Variants in RBFOX1 observed in about 807,000 individuals in gnomAD.
The protein encoded by RBFOX1 is RNA binding fox-1 homolog 1.
Under a neutral mutation model 57.7 loss-of-function variants are expected in RBFOX1, and 8 were observed. The ratio of observed to expected loss-of-function variants is 0.14; its 90% confidence interval spans 0.08 to 0.25. The LOEUF (loss-of-function observed/expected upper bound fraction) is 0.25. RBFOX1 is among the 10% of genes least tolerant of loss of function. The probability of loss-of-function intolerance (pLI) is 1.00; values close to 1 mark genes in which losing one functional copy is unlikely to be tolerated. For missense variants in RBFOX1, 611 were observed against 548.5 expected (o/e 1.11, Z -1.14); for synonymous variants, 326 against 222.4 (o/e 1.47, Z -4.15).
chr16:6,454,375 A>C (rs1296612875), intron 2 of RBFOX1, among the ~76,000 whole-genome samples: 11 of 152,020 alleles, frequency 7.2e-5, no homozygotes, highest in Admixed American at 5.9e-4. Flanking sequence ...TGGGCAACAT[A>C]GCAGAACCAT....
At chr16:6,770,626 A>C (rs184017064) in intron 3 of RBFOX1, among the ~76,000 whole-genome samples, 5 of 152,246 alleles carry the variant, frequency 3.3e-5, no homozygotes, top group African/African-American at 1.2e-4. Flanking sequence ...AAAAGAAATC[A>C]ATCTCTACTC....
intron 3 of RBFOX1, among the ~76,000 whole-genome samples, chr16:6,789,510 A>T (rs745306154): frequency 1.3e-5 from 2 of 152,112 alleles, no homozygotes; most frequent in Non-Finnish European, 2.9e-5. Context: ...CTCAGTTATT[A>T]CCTATGCTGG....
intron 3 of RBFOX1, among the ~76,000 whole-genome samples, chr16:5,663,708 C>T (rs1000114244): frequency 2.6e-5 from 4 of 152,160 alleles, no homozygotes; most frequent in South Asian, 2.1e-4. Flanking sequence ...TCATGTAGAG[C>T]GCCCTGCTGC....
At chr16:7,151,419 C>A (rs773136885) in intron 4 of RBFOX1, among the ~76,000 whole-genome samples, 1 of 152,132 alleles carries the variant, frequency 6.6e-6, no homozygotes, top group Non-Finnish European at 1.5e-5. Context: ...AGGGGTTAAA[C>A]TAATGTCACT....
At chr16:6,931,168 C>G (rs930594527) in intron 3 of RBFOX1, among the ~76,000 whole-genome samples, 1 of 151,834 alleles carries the variant, frequency 6.6e-6, no homozygotes, top group South Asian at 2.1e-4. Context: ...CCTTTCTTTA[C>G]TAGTAATGCG....
At chr16:5,883,074 G>A (rs1291222778) in intron 4 of RBFOX1, among the ~76,000 whole-genome samples, 1 of 152,092 alleles carries the variant, frequency 6.6e-6, no homozygotes, top group African/African-American at 2.4e-5. Flanking sequence ...CAGTTTATTG[G>A]CACAGGATGA....
intron 1 of RBFOX1, among the ~76,000 whole-genome samples, chr16:5,265,060 GA>G (rs573776687): frequency 4.7e-5 from 7 of 148,900 alleles, no homozygotes; most frequent in Non-Finnish European, 7.5e-5. Context: ...TTACCAAAAA[GA>G]AAAAAAAATA....
intron 3 of RBFOX1, among the ~76,000 whole-genome samples, chr16:6,936,738 G>A (rs1184053369): frequency 2.6e-5 from 4 of 152,062 alleles, no homozygotes; most frequent in African/African-American, 7.2e-5. Flanking sequence ...GCTAGAGGTA[G>A]GGTAATTCCA....
intron 12 of RBFOX1, among the ~76,000 whole-genome samples, chr16:7,655,590 T>C (rs1396791180): frequency 1.3e-5 from 2 of 152,040 alleles, no homozygotes; most frequent in African/African-American, 2.4e-5. Context: ...TAAAGATTTG[T>C]TATTCCCAAG....
At chr16:7,096,998 G>A (rs1260149232) in intron 4 of RBFOX1, among the ~76,000 whole-genome samples, 3 of 149,566 alleles carry the variant, frequency 2.0e-5, no homozygotes, top group Admixed American at 1.3e-4. Context: ...ATATTAAAGA[G>A]CTGTTACCAG....
chr16:5,549,336 C>G (rs2045363493), intron 2 of RBFOX1, among the ~76,000 whole-genome samples: 1 of 152,160 alleles, frequency 6.6e-6, no homozygotes, highest in Non-Finnish European at 1.5e-5. Context: ...TCCTGGGTCC[C>G]CTGCTGGTAA....
At chr16:7,372,362 C>T (rs918743026) in intron 4 of RBFOX1, among the ~76,000 whole-genome samples, 62 of 152,308 alleles carry the variant, frequency 4.1e-4, no homozygotes, top group African/African-American at 1.4e-3. Flanking sequence ...ACTGCCTAGT[C>T]TGTGCCAGGC....
At chr16:5,893,456 G>C (rs2058090788) in intron 4 of RBFOX1, among the ~76,000 whole-genome samples, 1 of 152,178 alleles carries the variant, frequency 6.6e-6, no homozygotes, top group African/African-American at 2.4e-5. Flanking sequence ...AATGCTTGAG[G>C]TAATGGAGAC....
intron 4 of RBFOX1, among the ~76,000 whole-genome samples, chr16:7,374,655 A>G (rs1596783924): frequency 6.6e-6 from 1 of 152,326 alleles, no homozygotes; most frequent in East Asian, 1.9e-4. Flanking sequence ...ATTAAAAATA[A>G]AAAATGACAG....
intron 4 of RBFOX1, among the ~76,000 whole-genome samples, chr16:7,205,722 G>T (rs1292984738): frequency 6.6e-6 from 1 of 152,254 alleles, no homozygotes; most frequent in South Asian, 2.1e-4. Context: ...TTTGGTGATG[G>T]GCAGAAAGAA....
At chr16:6,511,545 C>T (rs1458487733) in intron 2 of RBFOX1, among the ~76,000 whole-genome samples, 1 of 152,170 alleles carries the variant, frequency 6.6e-6, no homozygotes, top group Non-Finnish European at 1.5e-5. Flanking sequence ...TACCAACTGG[C>T]ATTGCTGAGA....
intron 4 of RBFOX1, among the ~76,000 whole-genome samples, chr16:5,880,773 A>G (rs1597617626): frequency 6.6e-6 from 1 of 152,210 alleles, no homozygotes; most frequent in Admixed American, 6.5e-5. Context: ...AAAGATTTCA[A>G]ATACACAATA....
intron 1 of RBFOX1, among the ~76,000 whole-genome samples, chr16:6,298,828 T>C (rs2078448654): frequency 1.3e-5 from 2 of 152,228 alleles, no homozygotes; most frequent in African/African-American, 2.4e-5. Context: ...AAATGGATCA[T>C]GCCACCCTTT....
At chr16:7,011,258 A>T (rs1229320274) in intron 3 of RBFOX1, among the ~76,000 whole-genome samples, 2 of 152,122 alleles carry the variant, frequency 1.3e-5, no homozygotes, top group African/African-American at 2.4e-5. Flanking sequence ...ACATTAACTT[A>T]TGTAATTCTT....
Sources: allele counts gnomAD v4.1 joint callset (sites outside exome capture counted in the v4.1 genomes callset), GRCh38; gene constraint gnomAD v4.1.1; transcripts MANE v1.5; gene names NCBI Gene and HGNC (gene_info 2026-07-23, HGNC 2026-07-21).